FGF12: variants seen among roughly 807,000 people sequenced by gnomAD.
The protein encoded by FGF12 is fibroblast growth factor 12.
Under a neutral mutation model 23.6 loss-of-function variants are expected in FGF12, and 14 were observed. That is an observed-to-expected ratio of 0.59 (90% CI 0.39 to 0.93). The LOEUF (loss-of-function observed/expected upper bound fraction) is 0.93. Ranked by LOEUF, FGF12 falls within the 40% of genes least tolerant of loss-of-function variation. FGF12 has a pLI of 0.00. For synonymous variants in FGF12, 62 were observed against 77.3 expected (o/e 0.80, Z 1.04); for missense variants, 175 against 217.8 (o/e 0.80, Z 1.24).
chr3:192,517,020 C>G (rs368195182), intron 2 of FGF12: 1 of 152,204 alleles, frequency 6.6e-6, no homozygotes, highest in Non-Finnish European at 1.5e-5. Context: ...CGGTAGGGCT[C>G]TCCTATTCTG....
chr3:192,349,579 T>C (rs1458415976), intron 3 of FGF12, among the ~76,000 whole-genome samples: 1 of 152,124 alleles, frequency 6.6e-6, no homozygotes, highest in African/African-American at 2.4e-5. Context: ...GATGTCTCTA[T>C]AATTGTCAAC....
At chr3:192,349,306 C>T (rs1400618305) in intron 3 of FGF12, among the ~76,000 whole-genome samples, 1 of 152,068 alleles carries the variant, frequency 6.6e-6, no homozygotes, top group Non-Finnish European at 1.5e-5. Flanking sequence ...AATCAACTCT[C>T]ACTTCAGAGC....
At chr3:192,687,300 C>G in intron 2 of FGF12, among the ~76,000 whole-genome samples, 1 of 151,636 alleles carries the variant, frequency 6.6e-6, no homozygotes, top group East Asian at 1.9e-4. Context: ...ATGTGACTTG[C>G]CTGGGGATCT....
chr3:192,508,472 C>T (rs1453815526), intron 2 of FGF12, among the ~76,000 whole-genome samples: 3 of 152,182 alleles, frequency 2.0e-5, no homozygotes, highest in African/African-American at 4.8e-5. Context: ...TATAAGTACT[C>T]GCTGGATGTC....
Position 192,526,518 on chromosome 3 carries a change from C to G in FGF12, c.14-165980G>C, listed in dbSNP as rs1024678943. On this transcript the variant is annotated intron_variant, in intron 2 of 5. Transcript: ENST00000445105. ...ATTAGTTGGGCACATGCTTTATATACAGTTCCTCACCTCAAGCTTATAAAC... is the reference window on the plus strand; with the variant it reads ...ATTAGTTGGGCACATGCTTTATATAGAGTTCCTCACCTCAAGCTTATAAAC... Among the ~76,000 whole-genome samples, 3 of 152,176 alleles carry G rather than the reference C, an allele frequency of 2.0e-5. 1 individual carries two copies. The South Asian group carries it at 6.2e-4, about 32-fold the overall frequency.
chr3:192,550,289 G>A (rs1272080242), intron 2 of FGF12, among the ~76,000 whole-genome samples: 2 of 150,452 alleles, frequency 1.3e-5, no homozygotes, highest in East Asian at 1.9e-4. Flanking sequence ...GTACACACAC[G>A]TATATATGTA....
At chr3:192,261,840 C>G (rs1000764346) in intron 4 of FGF12, among the ~76,000 whole-genome samples, 12 of 152,012 alleles carry the variant, frequency 7.9e-5, no homozygotes, top group South Asian at 2.1e-4. Context: ...CTGAATTGTT[C>G]GTGCTTTATG....
At chr3:192,343,132 G>T (rs1717773520) in intron 3 of FGF12, among the ~76,000 whole-genome samples, 2 of 152,098 alleles carry the variant, frequency 1.3e-5, no homozygotes, top group African/African-American at 4.8e-5. Flanking sequence ...ACGAAGAAAG[G>T]TATAAAAGAG....
intron 2 of FGF12, among the ~76,000 whole-genome samples, chr3:192,552,461 T>C (rs1423597859): frequency 6.6e-6 from 1 of 151,932 alleles, no homozygotes; most frequent in Non-Finnish European, 1.5e-5. Flanking sequence ...ACCATGTAAA[T>C]AGAAAACCTT....
chr3:192,271,895 C>CT (rs1713461098), intron 4 of FGF12, among the ~76,000 whole-genome samples: 1 of 152,186 alleles, frequency 6.6e-6, no homozygotes, highest in African/African-American at 2.4e-5. Context: ...AGGCTACAGA[C>CT]TGACTCCTTG....
chr3:192,382,441 T>G (rs1057120436), intron 2 of FGF12, among the ~76,000 whole-genome samples: 6 of 152,332 alleles, frequency 3.9e-5, no homozygotes, highest in African/African-American at 1.4e-4. Flanking sequence ...ATTGCACAAA[T>G]GTAGCCTTTG....
Position 192,360,419 on chromosome 3 carries a change from GTT to G in FGF12, c.124+7_124+8del, listed in dbSNP as rs58689852. ...TGTAATCAGATTGTAAGAAGCTAATGTTTCTTACTGTAGTCGCTGTTTTCGTC... is the reference window on the plus strand; with the variant it reads ...TGTAATCAGATTGTAAGAAGCTAATGTCTTACTGTAGTCGCTGTTTTCGTC... On this transcript the variant is annotated splice_region_variant and intron_variant, in intron 3 of 5. Transcript: ENST00000445105. The surrounding 1 kb of genome is among the most constrained non-coding windows in gnomAD (Gnocchi z 4.3). 7.7e-6 allele frequency: 12 copies of G among 1,568,616 alleles called. No homozygotes were observed. The highest frequency in any genetic ancestry group is 1.1e-5 in the Non-Finnish European group (12 of 1,138,746).
chr3:192,481,382 C>A (rs114244327), intron 2 of FGF12, among the ~76,000 whole-genome samples: 3,614 of 152,170 alleles, frequency 0.024, 124 homozygotes, highest in African/African-American at 0.081. Flanking sequence ...TCTTTCTTTT[C>A]AGATTCCATT....
chr3:192,209,863 G>A (rs773568695), intron 4 of FGF12, among the ~76,000 whole-genome samples: 1 of 152,134 alleles, frequency 6.6e-6, no homozygotes, highest in Non-Finnish European at 1.5e-5. Flanking sequence ...AAAATGTATT[G>A]CTTTCCTATT....
At chr3:192,256,885 G>T (rs1712429720) in intron 4 of FGF12, among the ~76,000 whole-genome samples, 1 of 152,070 alleles carries the variant, frequency 6.6e-6, no homozygotes, top group African/African-American at 2.4e-5. Context: ...GCTTGGATCT[G>T]GTTAGTGACT....
chr3:192,706,545 G>A (rs1718477916), intron 2 of FGF12, among the ~76,000 whole-genome samples: 1 of 152,038 alleles, frequency 6.6e-6, no homozygotes, highest in African/African-American at 2.4e-5. Flanking sequence ...TGACCAAGCA[G>A]AAACAATTGG....
At chr3:192,596,458 A>C (rs1051505476) in intron 2 of FGF12, among the ~76,000 whole-genome samples, 3 of 152,122 alleles carry the variant, frequency 2.0e-5, no homozygotes, top group Non-Finnish European at 4.4e-5. Flanking sequence ...CATATTCATT[A>C]TCTCATTCAA....
At chr3:192,722,861 A>G (rs998153795) in intron 2 of FGF12, among the ~76,000 whole-genome samples, 5 of 152,212 alleles carry the variant, frequency 3.3e-5, no homozygotes, top group Admixed American at 2.0e-4. Flanking sequence ...ATTGCATCTT[A>G]GTTTTCTTTC....
chr3:192,374,704 A>G (rs34707595), intron 2 of FGF12, among the ~76,000 whole-genome samples: 19,003 of 151,942 alleles, frequency 0.13, 1,240 homozygotes, highest in East Asian at 0.21. Flanking sequence ...TTCTCATTTT[A>G]TAGATGTTAA....
Sources: allele counts gnomAD v4.1 joint callset (sites outside exome capture counted in the v4.1 genomes callset), GRCh38; gene constraint gnomAD v4.1.1; non-coding constraint Gnocchi (gnomAD v3.1); transcripts MANE v1.5; gene names NCBI Gene and HGNC (gene_info 2026-07-23, HGNC 2026-07-21).